The following CSMD1 variants were observed in gnomAD, a reference collection of about 807,000 sequenced individuals.
CSMD1 encodes CUB and Sushi multiple domains 1.
A neutral mutation model predicts 417.5 loss-of-function variants in CSMD1; 213 were observed. The ratio of observed to expected loss-of-function variants is 0.51; its 90% CI spans 0.46 to 0.57. The LOEUF is 0.57. CSMD1 is among the 20% of genes least tolerant of loss of function. The pLI, the probability that CSMD1 is intolerant of heterozygous loss-of-function variation, is 0.00. For synonymous variants in CSMD1, 2,862 were observed against 1,736.8 expected, an observed-to-expected ratio of 1.65 and a Z score of -16.11; for missense variants, 6,923 against 4,529.7, an observed-to-expected ratio of 1.53 and a Z score of -15.17.
intron 3 of CSMD1, among the ~76,000 whole-genome samples, chr8:4,419,662 ATTAGT>A (rs1585046175): frequency 2.0e-5 from 3 of 152,204 alleles, no homozygotes; most frequent in East Asian, 3.8e-4. Context: ...TAAGAGGGCT[ATTAGT>A]TTATAGTCAA....
intron 1 of CSMD1, among the ~76,000 whole-genome samples, chr8:4,808,575 A>G (rs1385023457): frequency 6.6e-6 from 1 of 152,174 alleles, no homozygotes; most frequent in Non-Finnish European, 1.5e-5. Context: ...CTAGACACTT[A>G]TCATAATGGG....
intron 12 of CSMD1, among the ~76,000 whole-genome samples, chr8:3,424,124 T>A (rs1218275305): frequency 6.6e-6 from 1 of 152,192 alleles, no homozygotes; most frequent in Non-Finnish European, 1.5e-5. Context: ...TTTATCAGTA[T>A]AGGAAGCTCA....
chr8:4,552,092 T>C (rs1039744909), intron 2 of CSMD1, among the ~76,000 whole-genome samples: 2 of 152,222 alleles, frequency 1.3e-5, no homozygotes, highest in Non-Finnish European at 1.5e-5. Flanking sequence ...GGAACTGACA[T>C]ATGCTAGCAC....
At chr8:3,077,483 A>G (rs1472252525) in intron 49 of CSMD1, among the ~76,000 whole-genome samples, 1 of 152,142 alleles carries the variant, frequency 6.6e-6, no homozygotes, top group Non-Finnish European at 1.5e-5. Flanking sequence ...AGAGCAAAGC[A>G]CTCATTCTCC....
intron 1 of CSMD1, among the ~76,000 whole-genome samples, chr8:4,817,709 T>C (rs1799287157): frequency 6.6e-6 from 1 of 152,242 alleles, no homozygotes; most frequent in Admixed American, 6.5e-5. Context: ...ATACTTTAAA[T>C]TGCATAATTT....
intron 12 of CSMD1, among the ~76,000 whole-genome samples, chr8:3,413,499 C>CG (rs879925728): frequency 8.5e-5 from 13 of 152,202 alleles, no homozygotes; most frequent in African/African-American, 2.9e-4. Context: ...TGACAAGTAA[C>CG]TGTCAAAGTA....
chr8:4,246,684 T>G (rs889411416), intron 3 of CSMD1, among the ~76,000 whole-genome samples: 1 of 152,114 alleles, frequency 6.6e-6, no homozygotes, highest in East Asian at 1.9e-4. Context: ...CTTAACCCAT[T>G]TTTCCTTAAT....
At chr8:4,205,091 C>G (rs556948748) in intron 3 of CSMD1, among the ~76,000 whole-genome samples, 26 of 152,204 alleles carry the variant, frequency 1.7e-4, no homozygotes, top group African/African-American at 6.3e-4. Context: ...ACATCAAATG[C>G]TTTAAAAAGA....
chr8:4,800,656 G>C (rs186597798), intron 1 of CSMD1, among the ~76,000 whole-genome samples: 1 of 152,182 alleles, frequency 6.6e-6, no homozygotes, highest in Non-Finnish European at 1.5e-5. Context: ...GGGGGCTGTG[G>C]AGCCTCAGAG....
chr8:4,961,735 G>C (rs556832024), intron 1 of CSMD1, among the ~76,000 whole-genome samples: 3 of 151,884 alleles, frequency 2.0e-5, no homozygotes, highest in African/African-American at 4.8e-5. Context: ...ATATTTTTCT[G>C]AGTTTCACAA....
At chr8:3,353,109 A>AT (rs1370036378) in intron 21 of CSMD1, among the ~76,000 whole-genome samples, 1 of 152,214 alleles carries the variant, frequency 6.6e-6, no homozygotes, top group African/African-American at 2.4e-5. Context: ...ATTGGTAATT[A>AT]TTCCTATTGG....
chr8:3,367,797 G>A (rs115035062), intron 19 of CSMD1, among the ~76,000 whole-genome samples: 3 of 152,160 alleles, frequency 2.0e-5, no homozygotes, highest in African/African-American at 7.2e-5. Flanking sequence ...TATTGGCATA[G>A]ATATGTATAT....
intron 2 of CSMD1, among the ~76,000 whole-genome samples, chr8:4,526,470 A>G (rs945025769): frequency 6.6e-6 from 1 of 152,208 alleles, no homozygotes; most frequent in Non-Finnish European, 1.5e-5. Flanking sequence ...GATTTTTTAC[A>G]TCAGGTAATT....
chr8:3,759,361 T>A (rs773521171), intron 5 of CSMD1, among the ~76,000 whole-genome samples: 64 of 152,276 alleles, frequency 4.2e-4, no homozygotes, highest in South Asian at 1.0e-3. Context: ...TCTTATCTAT[T>A]CATAACCTTA....
intron 2 of CSMD1, among the ~76,000 whole-genome samples, chr8:4,452,433 CA>C (rs1799202141): frequency 6.6e-6 from 1 of 152,176 alleles, no homozygotes; most frequent in South Asian, 2.1e-4. Flanking sequence ...TGATTCTTGA[CA>C]AATAAGGCAT....
At chr8:3,284,374 T>C in intron 25 of CSMD1, 28 bp from the exon 26 acceptor site, 1 of 1,552,460 alleles carries the variant, frequency 6.4e-7, no homozygotes, top group Non-Finnish European at 8.9e-7. Flanking sequence ...GTAGCGCTAC[T>C]TGCCGTGCAT....
At chr8:3,603,727 C>A (rs926019235) in intron 8 of CSMD1, among the ~76,000 whole-genome samples, 5 of 152,098 alleles carry the variant, frequency 3.3e-5, no homozygotes, top group African/African-American at 7.2e-5. Context: ...CTTAAAAAAC[C>A]CCCTGATATA....
At chr8:4,331,044 A>C (rs368362634) in intron 3 of CSMD1, among the ~76,000 whole-genome samples, 13 of 152,312 alleles carry the variant, frequency 8.5e-5, no homozygotes, top group African/African-American at 3.1e-4. Context: ...CTGCAGATTC[A>C]ATAACTATTT....
At chr8:3,633,577 C>A (rs1292581275) in intron 7 of CSMD1, among the ~76,000 whole-genome samples, 1 of 152,140 alleles carries the variant, frequency 6.6e-6, no homozygotes, top group African/African-American at 2.4e-5. Flanking sequence ...TCATTTTTAG[C>A]TACTTAAATT....
Sources: allele counts gnomAD v4.1 joint callset (sites outside exome capture counted in the v4.1 genomes callset), GRCh38; gene constraint gnomAD v4.1.1; transcripts MANE v1.5; gene names NCBI Gene and HGNC (gene_info 2026-07-23, HGNC 2026-07-21).